The following GDPD5 variants were observed in gnomAD, a reference collection of about 807,000 sequenced individuals.
GDPD5 encodes glycerophosphodiester phosphodiesterase 2.
In GDPD5, 48 loss-of-function variants were observed where a neutral mutation model predicts 75.1. That is an observed-to-expected ratio of 0.64 (90% CI 0.51 to 0.81). The LOEUF is 0.81. Ranked by LOEUF, GDPD5 falls within the 40% of genes least tolerant of loss-of-function variation. The pLI is 0.00. For missense variants in GDPD5, 706 were observed against 822.6 expected (o/e 0.86, Z 1.73); for synonymous variants, 336 against 339.0 (o/e 0.99, Z 0.10).
chr11:75,503,566 T>A (rs1388900205), intron 1 of GDPD5, among the ~76,000 whole-genome samples: 1 of 152,200 alleles, frequency 6.6e-6, no homozygotes, highest in Non-Finnish European at 1.5e-5. Flanking sequence ...GCCTGCAAGG[T>A]CTGATTGGTC....
rs1948641529 is a variant in GDPD5, at chr11:75,436,967, G to A, written c.1638C>T (p.Val546=). ...AAATAAGCTTCTCCTTCATGATGCT[G>A]ACGTCCCGGCTGGTCCGGCGCACCG... ...SAAVRRTSRD[V]SIMKEKLIFS... Residue 546 remains valine, a synonymous_variant, in exon 16 of 17, where the codon GTC becomes GTT. Transcript: ENST00000336898. 2.5e-6 allele frequency: 4 copies of A among 1,613,502 alleles called. No homozygotes were observed. The highest frequency in any genetic ancestry group is 2.5e-6 in the Non-Finnish European group (3 of 1,179,986).
chr11:75,448,114 G>T (rs1949035497), intron 9 of GDPD5, among the ~76,000 whole-genome samples: 2 of 152,128 alleles, frequency 1.3e-5, no homozygotes, highest in Admixed American at 6.5e-5. Flanking sequence ...CAACAGCCTG[G>T]AACACCAGGA....
At chr11:75,463,329 C>G (rs1001855603) in intron 3 of GDPD5, among the ~76,000 whole-genome samples, 6 of 152,162 alleles carry the variant, frequency 3.9e-5, no homozygotes, top group Non-Finnish European at 8.8e-5. Flanking sequence ...CCCAGAGAGG[C>G]CAAGTGACTT....
chr11:75,471,729 C>T (rs1233740574), intron 3 of GDPD5, among the ~76,000 whole-genome samples: 1 of 152,140 alleles, frequency 6.6e-6, no homozygotes, highest in Admixed American at 6.5e-5. Context: ...AGCCACTTCC[C>T]CTGGAGCGTG....
Position 75,439,951 on chromosome 11 carries a change from T to C in GDPD5, c.1484A>G (p.Glu495Gly), listed in dbSNP as rs529122864. 5.0e-6 allele frequency: 8 copies of C among 1,613,482 alleles called. No individual in the cohort carries two copies. Among genetic ancestry groups the C allele is most frequent in the African/African-American group, 4.0e-5 (3 of 75,034 alleles). Residue 495 changes from glutamate to glycine, a missense_variant, in exon 15 of 17, where the codon GAG becomes GGG. Glu to Gly is a moderately conservative substitution (Grantham distance 98). Coordinates refer to ENST00000336898, the MANE Select transcript of GDPD5 (RefSeq NM_030792.8). ...PSPLWIMPPDEYCLMWVTADL... is the reference protein window; with the variant it reads ...PSPLWIMPPDGYCLMWVTADL... ...GGCAGTGACCCACATGAGACAGTAC[T>C]CGTCCGGGGGCTGTGGACAGACGGC...
At chr11:75,513,943 C>T (rs921287781) in intron 1 of GDPD5, among the ~76,000 whole-genome samples, 1 of 152,230 alleles carries the variant, frequency 6.6e-6, no homozygotes, top group Non-Finnish European at 1.5e-5. Context: ...TTCCCACCGA[C>T]AGGCTGTGGG....
intron 1 of GDPD5, among the ~76,000 whole-genome samples, chr11:75,507,528 A>C (rs1409750581): frequency 2.0e-5 from 3 of 152,262 alleles, no homozygotes; most frequent in African/African-American, 4.8e-5. Context: ...GGTCACAGCC[A>C]CTGAGCCTTC....
At chr11:75,522,205 C>G (rs376673799) in intron 1 of GDPD5, among the ~76,000 whole-genome samples, 105 of 152,286 alleles carry the variant, frequency 6.9e-4, no homozygotes, top group Middle Eastern at 3.4e-3. Context: ...CACATGGGAC[C>G]TCAAGATGAT....
chr11:75,518,015 G>A (rs1950680046), intron 1 of GDPD5, among the ~76,000 whole-genome samples: 1 of 152,214 alleles, frequency 6.6e-6, no homozygotes, highest in African/African-American at 2.4e-5. Context: ...AGAGAAAGGG[G>A]ACAGTGGGAA....
At chr11:75,441,514 TC>T in intron 13 of GDPD5, 131 bp downstream of exon 13, 1 of 1,139,528 alleles carries the variant, frequency 8.8e-7, no homozygotes, top group Non-Finnish European at 1.2e-6. Context: ...TGTGCCTGAT[TC>T]CTCTGTGTGC....
chr11:75,466,214 C>A (rs1949512329), intron 3 of GDPD5, among the ~76,000 whole-genome samples: 1 of 152,168 alleles, frequency 6.6e-6, no homozygotes, highest in Non-Finnish European at 1.5e-5. Flanking sequence ...TTGGGGCAAC[C>A]TAGGGATTAA....
chr11:75,509,739 G>C (rs1355833302), intron 1 of GDPD5, among the ~76,000 whole-genome samples: 2 of 152,146 alleles, frequency 1.3e-5, no homozygotes, highest in Non-Finnish European at 2.9e-5. Context: ...GAGTGCAGTG[G>C]CACGATCTCA....
chr11:75,462,826 AGTAAAGCCAG>A lies in GDPD5; in HGVS notation c.171_180del (p.Trp58SerfsTer32), dbSNP rs1247352285. The A allele has an allele frequency of 5.0e-6, 8 of 1,614,030 alleles. No homozygotes were observed. The highest frequency in any genetic ancestry group is 6.8e-6 in the Non-Finnish European group (8 of 1,180,004). On this transcript the variant is annotated frameshift_variant, in exon 4 of 17. Coordinates refer to ENST00000336898, the MANE Select transcript of GDPD5 (RefSeq NM_030792.8). LOFTEE classifies it high-confidence loss of function. Reference sequence around the variant, plus strand: ...TAGTCATTGTGGACTTCCCACCAGAAGTAAAGCCAGGTGAGCGTGAGGCCAAAGGTGAAGG... The same window carrying A: ...TAGTCATTGTGGACTTCCCACCAGAAGTGAGCGTGAGGCCAAAGGTGAAGG...
chr11:75,435,443 C>T lies in GDPD5; in HGVS notation c.*64G>A. 7 of 1,444,976 alleles carry T rather than the reference C, an allele frequency of 4.8e-6. No homozygotes were observed. Among genetic ancestry groups the T allele is most frequent in the Middle Eastern group, 2.0e-4 (1 of 4,886 alleles). The allele number at this position is 1,444,976 out of a possible 1,614,324, so 89.5% of individuals were successfully genotyped here. ...GAGCACTCCGAGTTCAGACACACTT[C>T]CACCAGCTCTCCTAGGCTCCCCAGC... On this transcript the variant is annotated 3_prime_UTR_variant, in exon 17 of 17. Coordinates refer to ENST00000336898, the MANE Select transcript of GDPD5 (RefSeq NM_030792.8).
At chr11:75,515,659 C>T (rs934274942) in intron 1 of GDPD5, among the ~76,000 whole-genome samples, 2 of 152,200 alleles carry the variant, frequency 1.3e-5, no homozygotes, top group Non-Finnish European at 2.9e-5. Flanking sequence ...TGTGAAGTGG[C>T]CACATCATGG....
chr11:75,465,573 G>A (rs1213259295), intron 3 of GDPD5, among the ~76,000 whole-genome samples: 1 of 152,192 alleles, frequency 6.6e-6, no homozygotes, highest in Non-Finnish European at 1.5e-5. Context: ...ATAATGAAAT[G>A]ATAGGTGAGG....
Position 75,456,769 on chromosome 11 carries a change from G to T in GDPD5, c.363C>A (p.His121Gln). The change falls in exon 6 of 17, where the codon CAC (histidine) becomes CAA (glutamine). Residue 121 changes from histidine to glutamine, a missense_variant. Physicochemically the swap from His to Gln is conservative, Grantham distance 24 (BLOSUM62 0). Coordinates refer to ENST00000336898, the MANE Select transcript of GDPD5 (RefSeq NM_030792.8). The stretch of plus-strand genomic sequence containing the variant: ...AGGCGGCCCTTACCTTGTGCAGCCA[G>T]TGCAGGTTCATCTGCTGCCCCACGG... Reference protein sequence around the residue: ...HIAVGQQMNLHWLHKIGLVVI... With the variant: ...HIAVGQQMNLQWLHKIGLVVI... 1 of 1,614,224 alleles carries T rather than the reference G, an allele frequency of 6.2e-7. No individual in the cohort carries two copies. Among genetic ancestry groups the T allele is most frequent in the South Asian group, 1.1e-5 (1 of 91,086 alleles).
At chr11:75,443,337 T>A in intron 10 of GDPD5, 51 bp from the exon 11 acceptor site, 1 of 1,553,374 alleles carries the variant, frequency 6.4e-7, no homozygotes, top group Middle Eastern at 2.1e-4. Context: ...ATCCTTTACC[T>A]GCCCACCAAT....
chr11:75,471,988 C>G (rs1592106328), intron 3 of GDPD5, among the ~76,000 whole-genome samples: 1 of 152,184 alleles, frequency 6.6e-6, no homozygotes, highest in East Asian at 1.9e-4. Flanking sequence ...CTCTCTCTCA[C>G]CCCTGCCGGG....
Sources: allele counts gnomAD v4.1 joint callset (sites outside exome capture counted in the v4.1 genomes callset), GRCh38; gene constraint gnomAD v4.1.1; transcripts MANE v1.5; gene names NCBI Gene and HGNC (gene_info 2026-07-23, HGNC 2026-07-21).